MYT1L: variants seen among roughly 807,000 people sequenced by gnomAD.
MYT1L encodes the protein myelin transcription factor 1 like.
In MYT1L, 12 loss-of-function variants were observed where a neutral mutation model predicts 126.7. That is an observed-to-expected ratio of 0.09 (90% CI 0.06 to 0.15). The LOEUF is 0.15. MYT1L is among the 10% of genes least tolerant of loss of function. The probability of loss-of-function intolerance (pLI) is 1.00; values close to 1 mark genes in which losing one functional copy is unlikely to be tolerated. For missense variants in MYT1L, 979 were observed against 1,585.2 expected (o/e 0.62, Z 6.49); for synonymous variants, 541 against 604.2 (o/e 0.90, Z 1.53).
At chr2:2,017,465 T>A (rs2064542608) in intron 4 of MYT1L, among the ~76,000 whole-genome samples, 1 of 152,218 alleles carries the variant, frequency 6.6e-6, no homozygotes, top group Non-Finnish European at 1.5e-5. Flanking sequence ...TGGATCTACC[T>A]GCTCTAAGTT....
chr2:1,987,590 G>A (rs535354335), intron 5 of MYT1L, among the ~76,000 whole-genome samples: 2 of 152,310 alleles, frequency 1.3e-5, no homozygotes, highest in African/African-American at 4.8e-5. Context: ...CACGTCTGCT[G>A]CTCTCCATCT....
In MYT1L at chr2:1,903,153, G is replaced by A. The variant is rs2050574746; in HGVS notation, c.1959C>T (p.Asn653=). The change falls in exon 14 of 25, where the codon AAC becomes AAT. Residue 653 remains asparagine (N), a synonymous_variant. Transcript: ENST00000647738. ...KTSFEYNSYD[N]HTYGKRAIAP... ...CTATGGCTCGCTTGCCATAAGTATG[G>A]TTGTCGTAACTGTTGTATTCAAACG... The A allele has an allele frequency of 6.2e-7, 1 of 1,613,878 alleles. No individual in the cohort carries two copies. The highest frequency in any genetic ancestry group is 1.3e-5 in the African/African-American group (1 of 74,914).
intron 21 of MYT1L, among the ~76,000 whole-genome samples, chr2:1,832,663 C>A (rs990048574): frequency 6.6e-6 from 1 of 152,208 alleles, no homozygotes; most frequent in Admixed American, 6.5e-5. Context: ...CCTCCGCGGC[C>A]ACCAAGGTGG....
intron 5 of MYT1L, among the ~76,000 whole-genome samples, chr2:1,994,997 T>C (rs566445171): frequency 1.3e-5 from 2 of 152,286 alleles, no homozygotes; most frequent in East Asian, 1.9e-4. Context: ...ATCTGTGACA[T>C]ATGTTAAGTA....
At chr2:1,935,561 T>C (rs2055763805) in intron 9 of MYT1L, among the ~76,000 whole-genome samples, 1 of 152,204 alleles carries the variant, frequency 6.6e-6, no homozygotes, top group South Asian at 2.1e-4. Flanking sequence ...CAATCGTTTT[T>C]ATATTCTGCA....
In MYT1L at chr2:1,791,427, G is replaced by A; in HGVS notation, c.*440C>T. On this transcript the variant is annotated 3_prime_UTR_variant, in exon 25 of 25. Transcript: ENST00000647738. The surrounding 1 kb of genome is among the most constrained non-coding windows in gnomAD (Gnocchi z 6.0). ...GGCAAAATGATAACGTCTAAAAAGCGGCTGCTCAGCCACAACATGATCATT... is the reference window on the plus strand; with the variant it reads ...GGCAAAATGATAACGTCTAAAAAGCAGCTGCTCAGCCACAACATGATCATT... 2.7e-6 allele frequency: 1 copy of A among 372,550 alleles called. No individual in the cohort carries two copies. Among genetic ancestry groups the A allele is most frequent in the South Asian group, 2.1e-5 (1 of 47,364 alleles). The allele number at this position is 372,550 out of a possible 1,614,324, so 23.1% of individuals were successfully genotyped here. A position where few individuals can be genotyped will look rare whatever the true frequency, so the allele number is the denominator to read the frequency against.
chr2:1,857,861 T>A (rs2044106997), intron 18 of MYT1L, among the ~76,000 whole-genome samples: 1 of 142,338 alleles, frequency 7.0e-6, no homozygotes, highest in Non-Finnish European at 1.5e-5. Flanking sequence ...TACATATTAC[T>A]ATTTTTTTTT....
intron 2 of MYT1L, among the ~76,000 whole-genome samples, chr2:2,219,420 T>C (rs1463867474): frequency 6.6e-6 from 1 of 152,218 alleles, no homozygotes; most frequent in Admixed American, 6.5e-5. Flanking sequence ...TAGGAATAAA[T>C]AGTAACTTCT....
intron 18 of MYT1L, among the ~76,000 whole-genome samples, chr2:1,874,672 G>A (rs1241537256): frequency 1.3e-5 from 2 of 152,260 alleles, no homozygotes; most frequent in African/African-American, 4.8e-5. Context: ...GGGTGGCAGA[G>A]CCAGAGGGAG....
In MYT1L at chr2:1,887,677, T is replaced by G. The variant is rs2048325765; in HGVS notation, c.2521-68A>C. 1 of 1,607,642 alleles carries G rather than the reference T, an allele frequency of 6.2e-7. No individual in the cohort carries two copies. The highest frequency in any genetic ancestry group is 8.5e-7 in the Non-Finnish European group (1 of 1,175,540). On this transcript the variant is annotated intron_variant, in intron 16 of 24. Transcript: ENST00000647738. The surrounding 1 kb of genome is among the most constrained non-coding windows in gnomAD (Gnocchi z 4.8). ...TGGCACACAGACTGAGGGAGGTGGTTCGTGGCTCTGGGGTGGCCTCTACAT... is the reference window on the plus strand; with the variant it reads ...TGGCACACAGACTGAGGGAGGTGGTGCGTGGCTCTGGGGTGGCCTCTACAT...
At chr2:2,292,690 A>G in intron 1 of MYT1L, among the ~76,000 whole-genome samples, 1 of 152,202 alleles carries the variant, frequency 6.6e-6, no homozygotes. Context: ...CAAGTCACAC[A>G]GAGAGCAAAG....
At chr2:1,913,369 G>C (rs1170187681) in intron 11 of MYT1L, among the ~76,000 whole-genome samples, 1 of 152,116 alleles carries the variant, frequency 6.6e-6, no homozygotes, top group East Asian at 1.9e-4. Flanking sequence ...TCCACCTTTG[G>C]TTCATCTTGT....
chr2:1,906,407 T>C (rs548605485), intron 13 of MYT1L, among the ~76,000 whole-genome samples: 40 of 152,328 alleles, frequency 2.6e-4, no homozygotes, highest in African/African-American at 7.0e-4. Context: ...TCTGACTTAA[T>C]AGGCATCCAT....
chr2:2,261,949 A>G (rs1461816889), intron 2 of MYT1L, among the ~76,000 whole-genome samples: 1 of 152,236 alleles, frequency 6.6e-6, no homozygotes, highest in Non-Finnish European at 1.5e-5. Context: ...TTAATACTTA[A>G]TGTTTCCCAA....
chr2:2,231,295 T>C (rs2094154475), intron 2 of MYT1L, among the ~76,000 whole-genome samples: 1 of 152,226 alleles, frequency 6.6e-6, no homozygotes, highest in African/African-American at 2.4e-5. Context: ...TTTCCGTCTG[T>C]CTGTCTGTCA....
At chr2:1,859,274 C>T (rs542405306) in intron 18 of MYT1L, among the ~76,000 whole-genome samples, 1 of 152,150 alleles carries the variant, frequency 6.6e-6, no homozygotes, top group Non-Finnish European at 1.5e-5. Flanking sequence ...ATATATGTAA[C>T]CTGTAAACAA....
chr2:2,198,800 GTGAGC>G (rs1470633430), intron 2 of MYT1L, among the ~76,000 whole-genome samples: 16 of 152,198 alleles, frequency 1.1e-4, no homozygotes, highest in Non-Finnish European at 1.8e-4. Context: ...AGAGGTTGCA[GTGAGC>G]ACTGCACTCC....
chr2:2,069,291 C>G (rs2074296614), intron 3 of MYT1L, among the ~76,000 whole-genome samples: 1 of 152,064 alleles, frequency 6.6e-6, no homozygotes, highest in Admixed American at 6.6e-5. Context: ...TCTCATTGTT[C>G]AACTCCCATT....
chr2:2,236,799 CTTCT>C (rs1559420918), intron 2 of MYT1L, among the ~76,000 whole-genome samples: 2 of 17,634 alleles, frequency 1.1e-4, no homozygotes, highest in Non-Finnish European at 8.6e-5. Flanking sequence ...TCTTCTTCTT[CTTCT>C]TCTTCTTCTT....
Sources: gnomAD v4.1 joint callset for allele counts (sites outside exome capture counted in the v4.1 genomes callset) on GRCh38, gnomAD v4.1.1 for gene constraint, Gnocchi (gnomAD v3.1) non-coding constraint, MANE v1.5 for transcripts, NCBI Gene and HGNC (gene_info 2026-07-23, HGNC 2026-07-21) for gene names.